PATJ: variants seen among roughly 807,000 people sequenced by gnomAD.
The protein encoded by PATJ is inaD-like protein.
PATJ carries 190 observed loss-of-function variants against 224.9 expected under a neutral mutation model. The observed-to-expected ratio is 0.84, with a 90% CI of 0.75 to 0.95. The LOEUF is 0.95. Among genes scored for constraint, PATJ ranks in the 40% least tolerant of loss-of-function variants. PATJ has a pLI of 0.00. For synonymous variants in PATJ, 769 were observed against 820.3 expected (o/e 0.94, Z 1.07); for missense variants, 2,121 against 2,270.3 (o/e 0.93, Z 1.34).
At chr1:61,991,217 T>TGAC (rs1553233754) in intron 28 of PATJ, among the ~76,000 whole-genome samples, 99 of 149,538 alleles carry the variant, frequency 6.6e-4, no homozygotes, top group Non-Finnish European at 1.2e-3. Context: ...ATGATGATGA[T>TGAC]GACAATAACA....
At chr1:62,032,921 T>G (rs7526522) in intron 29 of PATJ, among the ~76,000 whole-genome samples, 93,511 of 151,864 alleles carry the variant, frequency 0.62, 29,647 homozygotes, top group African/African-American at 0.77. Flanking sequence ...AATGAATGCA[T>G]GAGGAACTAC....
intron 30 of PATJ, among the ~76,000 whole-genome samples, chr1:62,046,864 AT>A (rs950739487): frequency 8.7e-4 from 133 of 152,196 alleles, no homozygotes; most frequent in Non-Finnish European, 1.6e-3. Flanking sequence ...CATAGAGAGT[AT>A]TTTTTGTTTC....
intron 13 of PATJ, among the ~76,000 whole-genome samples, chr1:61,807,807 A>C (rs1468774523): frequency 1.3e-5 from 2 of 152,250 alleles, no homozygotes; most frequent in African/African-American, 4.8e-5. Context: ...CAGATGCATC[A>C]TATTTTATTA....
At chr1:61,982,570 A>G (rs1644507884) in intron 27 of PATJ, among the ~76,000 whole-genome samples, 1 of 152,056 alleles carries the variant, frequency 6.6e-6, no homozygotes, top group Admixed American at 6.5e-5. Context: ...ATAAGGAGGT[A>G]TTGTGACCAT....
chr1:61,870,667 G>A (rs898221014), intron 20 of PATJ, among the ~76,000 whole-genome samples: 11 of 152,250 alleles, frequency 7.2e-5, no homozygotes, highest in African/African-American at 2.4e-4. Flanking sequence ...TGGCCATTGC[G>A]AATAATGGTG....
chr1:62,079,934 A>G (rs888310023), intron 32 of PATJ, among the ~76,000 whole-genome samples: 3 of 152,028 alleles, frequency 2.0e-5, no homozygotes, highest in South Asian at 4.2e-4. Context: ...AGGCTGAGGC[A>G]GGAGAATCGC....
intron 33 of PATJ, among the ~76,000 whole-genome samples, chr1:62,100,624 A>G (rs1662036358): frequency 6.6e-6 from 1 of 152,246 alleles, no homozygotes; most frequent in African/African-American, 2.4e-5. Context: ...TGGTTGGAGT[A>G]AGATTATGAC....
intron 27 of PATJ, among the ~76,000 whole-genome samples, chr1:61,934,858 C>T (rs977162853): frequency 1.3e-5 from 2 of 152,074 alleles, no homozygotes; most frequent in African/African-American, 2.4e-5. Flanking sequence ...CAGGTTTGCT[C>T]GTGGTGCTTC....
At chr1:61,767,731 C>CAGT (rs1188168303) in intron 4 of PATJ, among the ~76,000 whole-genome samples, 1 of 143,602 alleles carries the variant, frequency 7.0e-6, no homozygotes, top group Admixed American at 7.6e-5. Context: ...GGCTGGAGTG[C>CAGT]AGTGGCCCAA....
At chr1:61,971,905 C>T (rs1683031598) in intron 27 of PATJ, among the ~76,000 whole-genome samples, 1 of 150,400 alleles carries the variant, frequency 6.6e-6, no homozygotes. Flanking sequence ...AAAAGGATCA[C>T]TTGAACACGG....
intron 3 of PATJ, 38 bp from the exon 4 acceptor site, chr1:61,766,241 A>G (rs376521018): frequency 6.0e-5 from 81 of 1,358,508 alleles, no homozygotes; most frequent in Non-Finnish European, 7.6e-5. Flanking sequence ...CAATTTTTCT[A>G]TAGATTTCTG....
At chr1:62,129,786 C>T (rs1421073050) in intron 41 of PATJ, among the ~76,000 whole-genome samples, 4 of 151,944 alleles carry the variant, frequency 2.6e-5, no homozygotes, top group Non-Finnish European at 5.9e-5. Context: ...GCTAAAAGTA[C>T]AAAAATTAGC....
chr1:61,752,601 CA>C (rs1253378350), intron 1 of PATJ, among the ~76,000 whole-genome samples: 1 of 152,248 alleles, frequency 6.6e-6, no homozygotes, highest in East Asian at 1.9e-4. Context: ...GCTGGGATTA[CA>C]GGGGTGAGCC....
chr1:61,829,956 G>A (rs1659012054), intron 16 of PATJ, among the ~76,000 whole-genome samples: 1 of 152,072 alleles, frequency 6.6e-6, no homozygotes, highest in Non-Finnish European at 1.5e-5. Context: ...ATATGCAGAG[G>A]TTATTGATCC....
chr1:62,091,357 A>G (rs1198425869), intron 33 of PATJ, among the ~76,000 whole-genome samples: 1 of 152,214 alleles, frequency 6.6e-6, no homozygotes, highest in African/African-American at 2.4e-5. Flanking sequence ...CAGCCTTTCT[A>G]AGTTAAATCT....
At chr1:61,892,631 T>G (rs7512340) in intron 22 of PATJ, among the ~76,000 whole-genome samples, 149,990 of 152,290 alleles carry the variant, frequency 0.98, 73,901 homozygotes, top group East Asian at 1. Flanking sequence ...CTGGTTGAAT[T>G]TAAGAGGCAA....
At chr1:62,119,123 A>G (rs1454309171) in intron 37 of PATJ, among the ~76,000 whole-genome samples, 4 of 152,180 alleles carry the variant, frequency 2.6e-5, no homozygotes, top group Admixed American at 2.0e-4. Context: ...CAGAATTTTA[A>G]TTTCAGAGGG....
intron 12 of PATJ, among the ~76,000 whole-genome samples, chr1:61,803,143 T>G (rs1652879448): frequency 6.6e-6 from 1 of 152,220 alleles, no homozygotes; most frequent in Non-Finnish European, 1.5e-5. Flanking sequence ...TTCATTTTTT[T>G]ATTATTACAA....
At chr1:61,920,787 A>G (rs1419844574) in intron 26 of PATJ, among the ~76,000 whole-genome samples, 2 of 145,646 alleles carry the variant, frequency 1.4e-5, no homozygotes, top group Non-Finnish European at 3.0e-5. Context: ...TGCTCATGCA[A>G]CCTCCACCTC....
Sources: allele counts gnomAD v4.1 joint callset (sites outside exome capture counted in the v4.1 genomes callset), GRCh38; gene constraint gnomAD v4.1.1; transcripts MANE v1.5; gene names NCBI Gene and HGNC (gene_info 2026-07-23, HGNC 2026-07-21).